The following SV2C variants were observed in gnomAD, a reference collection of about 807,000 sequenced individuals.
SV2C encodes the protein synaptic vesicle glycoprotein 2C, also known as solute carrier family 22 member B3.
In SV2C, 49 loss-of-function variants were observed where a neutral mutation model predicts 79.7. The ratio of observed to expected loss-of-function variants is 0.61; its 90% CI spans 0.49 to 0.78. The LOEUF is 0.78. Among genes scored for constraint, SV2C ranks in the 30% least tolerant of loss-of-function variants. SV2C has a pLI of 0.00. For missense variants in SV2C, 833 were observed against 912.9 expected, an observed-to-expected ratio of 0.91 and a Z score of 1.13; for synonymous variants, 334 against 333.2, an observed-to-expected ratio of 1.00 and a Z score of -0.03.
At chr5:76,200,817 T>C (rs917470769) in intron 3 of SV2C, among the ~76,000 whole-genome samples, 1 of 152,138 alleles carries the variant, frequency 6.6e-6, no homozygotes, top group African/African-American at 2.4e-5. Context: ...CTTTTAAAAA[T>C]GTTTTGTACA....
chr5:75,991,447 G>A, the SV2C span, among the ~76,000 whole-genome samples: 1 of 150,662 alleles, frequency 6.6e-6, no homozygotes, highest in Non-Finnish European at 1.5e-5. Context: ...ATATTTATAA[G>A]CAATCTGTAA....
the SV2C span, among the ~76,000 whole-genome samples, chr5:76,015,070 A>G: frequency 1.3e-5 from 2 of 152,136 alleles, no homozygotes; most frequent in East Asian, 3.8e-4. Flanking sequence ...TCATGTGAAT[A>G]CTTTTGGCTA....
At chr5:75,963,319 C>T in the SV2C span, among the ~76,000 whole-genome samples, 2 of 152,116 alleles carry the variant, frequency 1.3e-5, no homozygotes, top group Admixed American at 6.6e-5. Flanking sequence ...ACACTCACAA[C>T]GAATTCCTTA....
At chr5:76,352,510 CCT>C (rs1561330244) in intron 12 of SV2C, among the ~76,000 whole-genome samples, 1 of 152,204 alleles carries the variant, frequency 6.6e-6, no homozygotes, top group South Asian at 2.1e-4. Context: ...AGTTCAGCCC[CCT>C]CTTTCTCTCT....
intron 2 of SV2C, among the ~76,000 whole-genome samples, chr5:76,183,925 C>G (rs1229022916): frequency 6.6e-6 from 1 of 152,018 alleles, no homozygotes; most frequent in Non-Finnish European, 1.5e-5. Context: ...TCCTTTTTTC[C>G]CCTTAAGCAT....
chr5:76,298,192 G>T (rs1176202773), intron 9 of SV2C, among the ~76,000 whole-genome samples: 1 of 152,104 alleles, frequency 6.6e-6, no homozygotes, highest in Non-Finnish European at 1.5e-5. Flanking sequence ...TTGGCTGTGA[G>T]AAGAAAAATT....
At chr5:76,006,121 T>C in the SV2C span, among the ~76,000 whole-genome samples, 54 of 152,228 alleles carry the variant, frequency 3.5e-4, no homozygotes, top group Non-Finnish European at 6.2e-4. Flanking sequence ...GATTGAGTGT[T>C]TGACTTCTCT....
chr5:76,195,969 T>C (rs1744259746), intron 3 of SV2C, among the ~76,000 whole-genome samples: 1 of 152,186 alleles, frequency 6.6e-6, no homozygotes, highest in Admixed American at 6.5e-5. Flanking sequence ...AGAGACTTTT[T>C]TTTCAAGATG....
In SV2C at chr5:76,249,296, G is replaced by A. The variant is rs982177787; in HGVS notation, c.914-35866G>A. Among the ~76,000 whole-genome samples the A allele has an allele frequency of 7.9e-5, 12 of 152,138 alleles. No homozygotes were observed. In the South Asian group the frequency reaches 1.5e-3, roughly 18 times the overall value. ...ATGTTAAGTGGGTGGTTCTGTAGTA[G>A]ATTTTGTTTACTCTAGAGCCCATTG... On this transcript the variant is annotated intron_variant, in intron 4 of 12. Coordinates refer to ENST00000502798, the MANE Select transcript of SV2C (RefSeq NM_014979.4).
At chr5:76,129,202 C>T (rs1245925514) in intron 1 of SV2C, among the ~76,000 whole-genome samples, 2 of 152,204 alleles carry the variant, frequency 1.3e-5, no homozygotes, top group Non-Finnish European at 2.9e-5. Flanking sequence ...CACCAGCTAA[C>T]CCCAATGGCA....
chr5:76,111,224 G>C (rs1256724716), intron 1 of SV2C, among the ~76,000 whole-genome samples: 4 of 152,078 alleles, frequency 2.6e-5, no homozygotes, highest in Admixed American at 2.0e-4. Context: ...AATGGAAGCA[G>C]AATCTATCAG....
chr5:76,021,281 A>G, the SV2C span, among the ~76,000 whole-genome samples: 3 of 152,252 alleles, frequency 2.0e-5, no homozygotes, highest in African/African-American at 7.2e-5. Flanking sequence ...TTTACCATCA[A>G]TACTCAATGA....
intron 4 of SV2C, among the ~76,000 whole-genome samples, chr5:76,240,467 G>T (rs1745751869): frequency 6.6e-6 from 1 of 152,214 alleles, no homozygotes; most frequent in Non-Finnish European, 1.5e-5. Context: ...GCCTCGAAGT[G>T]CAGGGGAAGT....
chr5:76,164,760 A>G (rs1052970498), intron 2 of SV2C, among the ~76,000 whole-genome samples: 2 of 75,552 alleles, frequency 2.6e-5, no homozygotes, highest in African/African-American at 1.1e-4. Context: ...GTAAACATAT[A>G]TATAGATAGT....
intron 2 of SV2C, among the ~76,000 whole-genome samples, chr5:76,159,829 T>G (rs946783034): frequency 6.6e-6 from 1 of 152,102 alleles, no homozygotes; most frequent in African/African-American, 2.4e-5. Context: ...GAGTTAATAC[T>G]CCAACATATC....
At chr5:76,075,097 G>C in the SV2C span, among the ~76,000 whole-genome samples, 1 of 152,146 alleles carries the variant, frequency 6.6e-6, no homozygotes, top group African/African-American at 2.4e-5. Flanking sequence ...GGCACACCAG[G>C]GTTCTGGCAC....
At chr5:75,888,601 C>G in the SV2C span, among the ~76,000 whole-genome samples, 1 of 152,094 alleles carries the variant, frequency 6.6e-6, no homozygotes, top group Non-Finnish European at 1.5e-5. Flanking sequence ...CTCAACTTAA[C>G]AGCTTTTAAT....
At chr5:76,050,090 A>G in the SV2C span, among the ~76,000 whole-genome samples, 2 of 152,228 alleles carry the variant, frequency 1.3e-5, no homozygotes, top group Non-Finnish European at 2.9e-5. Context: ...AGGCACTGAG[A>G]GGAATAATCA....
At chr5:76,350,179 T>C (rs980395412) in intron 12 of SV2C, among the ~76,000 whole-genome samples, 1 of 152,194 alleles carries the variant, frequency 6.6e-6, no homozygotes, top group Non-Finnish European at 1.5e-5. Context: ...TCCTCCATCC[T>C]GCCCTCCATA....
Sources: allele counts gnomAD v4.1 joint callset (sites outside exome capture counted in the v4.1 genomes callset), GRCh38; gene constraint gnomAD v4.1.1; transcripts MANE v1.5; gene names NCBI Gene and HGNC (gene_info 2026-07-23, HGNC 2026-07-21).